Variants in GALNTL6 observed in about 807,000 individuals in gnomAD.
GALNTL6 encodes the protein polypeptide N-acetylgalactosaminyltransferase like 6.
GALNTL6 carries 46 observed loss-of-function variants against 73.7 expected under a neutral mutation model. The ratio of observed to expected loss-of-function variants is 0.62; its 90% CI spans 0.49 to 0.80. The LOEUF (loss-of-function observed/expected upper bound fraction) is 0.80. Among genes scored for constraint, GALNTL6 ranks in the 30% least tolerant of loss-of-function variants. GALNTL6 has a pLI of 0.00. For missense variants in GALNTL6, 604 were observed against 755.0 expected, an observed-to-expected ratio of 0.80 and a Z score of 2.34; for synonymous variants, 259 against 263.7, an observed-to-expected ratio of 0.98 and a Z score of 0.17.
intron 5 of GALNTL6, among the ~76,000 whole-genome samples, chr4:172,762,785 A>AAAAAAAAAAAAAAAAAC: frequency 4.0e-4 from 1 of 2,512 alleles, no homozygotes. Flanking sequence ...GATTCACTCA[A>AAAAAAAAAAAAAAAAAC]AAAAAAAAAA....
At chr4:172,011,657 C>T (rs199734987) in intron 2 of GALNTL6, among the ~76,000 whole-genome samples, 3,592 of 151,878 alleles carry the variant, frequency 0.024, 116 homozygotes, top group African/African-American at 0.07. Flanking sequence ...TTATTTTTCC[C>T]TTAAACCTCT....
chr4:172,645,763 A>G (rs968067994), intron 5 of GALNTL6, among the ~76,000 whole-genome samples: 37 of 152,130 alleles, frequency 2.4e-4, no homozygotes, highest in African/African-American at 8.7e-4. Flanking sequence ...GGTTTGATGA[A>G]GAGATGGATA....
intron 2 of GALNTL6, among the ~76,000 whole-genome samples, chr4:172,052,283 C>A (rs1186160606): frequency 6.6e-6 from 1 of 151,964 alleles, no homozygotes; most frequent in East Asian, 1.9e-4. Context: ...AGAGAGGATA[C>A]AGGACATGTA....
At chr4:171,942,548 A>G (rs1738582606) in intron 2 of GALNTL6, among the ~76,000 whole-genome samples, 1 of 152,176 alleles carries the variant, frequency 6.6e-6, no homozygotes, top group African/African-American at 2.4e-5. Context: ...GTAGTGAAGG[A>G]TTTCACTCCT....
intron 4 of GALNTL6, among the ~76,000 whole-genome samples, chr4:172,314,243 T>C (rs533814464): frequency 1.3e-5 from 2 of 152,332 alleles, no homozygotes; most frequent in African/African-American, 2.4e-5. Flanking sequence ...ACTTTTAAAA[T>C]AAAACATCAC....
At position 172,957,375 on chromosome 4, in the gene GALNTL6, C is replaced by T. The variant is rs149638493; in HGVS notation, c.1371+5117C>T. Reference sequence around the variant, plus strand: ...TGTGGCTGGAAGGAGATATTTTCCTCGGTCTAAGAACCATTTGTCTTGTGT... The same window carrying T: ...TGTGGCTGGAAGGAGATATTTTCCTTGGTCTAAGAACCATTTGTCTTGTGT... On this transcript the variant is annotated intron_variant, in intron 10 of 12. Coordinates refer to ENST00000506823, the MANE Select transcript of GALNTL6 (RefSeq NM_001034845.3). Among the ~76,000 whole-genome samples the T allele has an allele frequency of 5.8e-3, 890 of 152,196 alleles. 8 individuals carry two copies. The highest frequency in any genetic ancestry group is 0.018 in the African/African-American group (757 of 41,522).
chr4:171,814,230 T>C (rs1166053585), intron 1 of GALNTL6, among the ~76,000 whole-genome samples, 182 bp from the exon 2 acceptor site: 1 of 152,158 alleles, frequency 6.6e-6, no homozygotes, highest in African/African-American at 2.4e-5. Context: ...TCTAGCAGGC[T>C]GTTGACTTTT....
At chr4:173,033,961 T>A (rs1753577600) in intron 12 of GALNTL6, among the ~76,000 whole-genome samples, 1 of 152,198 alleles carries the variant, frequency 6.6e-6, no homozygotes, top group Non-Finnish European at 1.5e-5. Context: ...ATCTAAACTT[T>A]GATGTCTCGT....
chr4:172,568,737 C>A (rs1347587319), intron 5 of GALNTL6, among the ~76,000 whole-genome samples: 3 of 111,134 alleles, frequency 2.7e-5, no homozygotes, highest in Admixed American at 1.5e-4. Context: ...CAGCCTGGGC[C>A]ACAGAGCGAG....
chr4:172,136,500 T>C (rs992692366), intron 2 of GALNTL6, among the ~76,000 whole-genome samples: 4 of 152,048 alleles, frequency 2.6e-5, no homozygotes, highest in Non-Finnish European at 5.9e-5. Context: ...TCCCACAGAT[T>C]CATAATTTAA....
intron 3 of GALNTL6, among the ~76,000 whole-genome samples, chr4:172,288,053 G>T (rs941655024): frequency 1.5e-4 from 23 of 151,590 alleles, no homozygotes; most frequent in Non-Finnish European, 3.4e-4. Flanking sequence ...TTATTCTGCT[G>T]TTTCCCAGTG....
At chr4:172,908,661 A>T (rs17253533) in intron 8 of GALNTL6, among the ~76,000 whole-genome samples, 65 of 150,958 alleles carry the variant, frequency 4.3e-4, no homozygotes, top group Non-Finnish European at 6.5e-4. Flanking sequence ...TATGGAAAAC[A>T]ATAGCCTTTA....
At chr4:172,722,972 G>A (rs1735572383) in intron 5 of GALNTL6, among the ~76,000 whole-genome samples, 1 of 152,116 alleles carries the variant, frequency 6.6e-6, no homozygotes, top group African/African-American at 2.4e-5. Flanking sequence ...GCTAAAATGA[G>A]GGTGTTGGCA....
intron 3 of GALNTL6, among the ~76,000 whole-genome samples, chr4:172,298,958 G>A (rs1190999438): frequency 6.6e-6 from 1 of 152,160 alleles, no homozygotes; most frequent in Non-Finnish European, 1.5e-5. Context: ...GCTCCTCCTT[G>A]TATCTCTGGT....
chr4:172,300,136 G>T (rs1739855549), intron 3 of GALNTL6, among the ~76,000 whole-genome samples: 1 of 152,098 alleles, frequency 6.6e-6, no homozygotes, highest in African/African-American at 2.4e-5. Context: ...GGCCTTCTTT[G>T]TCTCTTTTGA....
intron 5 of GALNTL6, among the ~76,000 whole-genome samples, chr4:172,477,723 A>G (rs1733290232): frequency 1.3e-5 from 2 of 152,298 alleles, no homozygotes; most frequent in South Asian, 4.1e-4. Context: ...AATTACATTT[A>G]TTTTATTAAT....
chr4:172,475,816 A>C (rs1733210645), intron 5 of GALNTL6, among the ~76,000 whole-genome samples: 1 of 152,250 alleles, frequency 6.6e-6, no homozygotes, highest in South Asian at 2.1e-4. Context: ...TCATACTTCT[A>C]TCCAGGGATC....
At chr4:172,536,879 G>A (rs1735363617) in intron 5 of GALNTL6, among the ~76,000 whole-genome samples, 1 of 152,136 alleles carries the variant, frequency 6.6e-6, no homozygotes, top group African/African-American at 2.4e-5. Context: ...TGGGGAAAAT[G>A]TCAGTGTGAC....
intron 9 of GALNTL6, among the ~76,000 whole-genome samples, chr4:172,947,246 A>AC (rs992943916): frequency 2.4e-4 from 36 of 151,938 alleles, no homozygotes; most frequent in Admixed American, 3.3e-4. Flanking sequence ...ATACCTGTGC[A>AC]CCCCACCCCA....
Sources: gnomAD v4.1 joint callset for allele counts (sites outside exome capture counted in the v4.1 genomes callset) on GRCh38, gnomAD v4.1.1 for gene constraint, MANE v1.5 for transcripts, NCBI Gene and HGNC (gene_info 2026-07-23, HGNC 2026-07-21) for gene names.